RBFOX1: variants seen among roughly 807,000 people sequenced by gnomAD.
RBFOX1 encodes RNA binding protein fox-1 homolog 1.
A neutral mutation model predicts 57.7 loss-of-function variants in RBFOX1; 8 were observed. The ratio of observed to expected loss-of-function variants is 0.14; its 90% CI spans 0.08 to 0.25. The LOEUF (loss-of-function observed/expected upper bound fraction) is 0.25, where lower values mean the gene tolerates loss of function less well. RBFOX1 is among the 10% of genes least tolerant of loss of function. The probability of loss-of-function intolerance (pLI) is 1.00; values close to 1 mark genes in which losing one functional copy is unlikely to be tolerated. For synonymous variants in RBFOX1, 326 were observed against 222.4 expected, an observed-to-expected ratio of 1.47 and a Z score of -4.15; for missense variants, 611 against 548.5, an observed-to-expected ratio of 1.11 and a Z score of -1.14.
At chr16:5,583,683 G>A (rs148014645) in intron 2 of RBFOX1, among the ~76,000 whole-genome samples, 1 of 152,288 alleles carries the variant, frequency 6.6e-6, no homozygotes, top group Admixed American at 6.5e-5. Context: ...GTAAAGTGGG[G>A]TCGATAAGAG....
intron 1 of RBFOX1, among the ~76,000 whole-genome samples, chr16:6,163,494 A>G (rs1396657788): frequency 1.3e-5 from 2 of 152,222 alleles, no homozygotes; most frequent in Non-Finnish European, 2.9e-5. Flanking sequence ...TTGACAAATC[A>G]GATAAATCAT....
Position 6,019,993 on chromosome 16 carries a change from G to A in RBFOX1, c.-127+1G>A, listed in dbSNP as rs2152347409. ...CAGCCGGGCTCGCCGGGAGTTCTAG[G>A]TAAGTCCAGGCGGAGTCATTGCCTC... On this transcript the variant is annotated splice_donor_variant, in intron 1 of 15. Coordinates refer to ENST00000550418, the MANE Select transcript of RBFOX1 (RefSeq NM_018723.4). LOFTEE classifies it low-confidence loss of function (5UTR_SPLICE). This position sits in a 1 kb window ranked among gnomAD's most constrained non-coding sequence, Gnocchi z 4.2. The A allele has an allele frequency of 1.3e-6, 2 of 1,525,436 alleles. No homozygotes were observed. The highest frequency in any genetic ancestry group is 2.5e-5 in the East Asian group (1 of 40,526). 94.5% of individuals were successfully genotyped at this position (1,525,436 alleles called of 1,614,324 possible). A position where few individuals can be genotyped will look rare whatever the true frequency, so the allele number is the denominator to read the frequency against.
intron 14 of RBFOX1, among the ~76,000 whole-genome samples, chr16:7,681,385 G>A (rs1041104426): frequency 1.3e-5 from 2 of 152,110 alleles, no homozygotes; most frequent in African/African-American, 2.4e-5. Context: ...ATGCACAAAA[G>A]ATTGTACAAG....
chr16:7,673,765 C>G (rs2072371217), intron 13 of RBFOX1, among the ~76,000 whole-genome samples: 1 of 152,128 alleles, frequency 6.6e-6, no homozygotes, highest in Non-Finnish European at 1.5e-5. Flanking sequence ...TGCTGCCCAT[C>G]CTGTGAAGAA....
chr16:6,259,638 G>C (rs200792892), intron 1 of RBFOX1, among the ~76,000 whole-genome samples: 2 of 152,032 alleles, frequency 1.3e-5, no homozygotes, highest in African/African-American at 4.8e-5. Context: ...AAATATCTGC[G>C]ATCATGTACG....
chr16:5,731,136 A>G (rs1350598784), intron 3 of RBFOX1, among the ~76,000 whole-genome samples: 2 of 152,138 alleles, frequency 1.3e-5, no homozygotes, highest in African/African-American at 2.4e-5. Context: ...CATCAACAGC[A>G]CCACCACCAT....
intron 2 of RBFOX1, among the ~76,000 whole-genome samples, chr16:6,365,671 T>A (rs1319020096): frequency 1.3e-5 from 2 of 152,164 alleles, no homozygotes; most frequent in African/African-American, 4.8e-5. Flanking sequence ...TGAAGCAATG[T>A]GGTATAGTGG....
chr16:7,332,493 G>C (rs1876085253), intron 4 of RBFOX1, among the ~76,000 whole-genome samples: 1 of 152,054 alleles, frequency 6.6e-6, no homozygotes, highest in Admixed American at 6.5e-5. Flanking sequence ...ACATTAACCT[G>C]CTGGATTTGA....
At chr16:7,174,812 T>G (rs553386839) in intron 4 of RBFOX1, among the ~76,000 whole-genome samples, 56 of 152,134 alleles carry the variant, frequency 3.7e-4, no homozygotes, top group African/African-American at 1.3e-3. Context: ...AAACAAACCA[T>G]TAAAGTATTT....
chr16:6,110,861 C>CA (rs781312846), intron 1 of RBFOX1, among the ~76,000 whole-genome samples: 63 of 152,298 alleles, frequency 4.1e-4, no homozygotes, highest in Non-Finnish European at 3.5e-4. Flanking sequence ...CTCCAGTGCA[C>CA]AGCACCAGCC....
chr16:6,023,199 G>A (rs2095118548), intron 1 of RBFOX1, among the ~76,000 whole-genome samples: 1 of 151,928 alleles, frequency 6.6e-6, no homozygotes, highest in Non-Finnish European at 1.5e-5. Context: ...TGAAACATGG[G>A]TCTGAGCGGG....
At chr16:7,692,392 A>G (rs1043152169) in intron 14 of RBFOX1, among the ~76,000 whole-genome samples, 1 of 152,142 alleles carries the variant, frequency 6.6e-6, no homozygotes, top group Non-Finnish European at 1.5e-5. Context: ...GAAATGCTCC[A>G]TCACTAGATA....
chr16:7,387,405 A>G (rs531147378), intron 4 of RBFOX1, among the ~76,000 whole-genome samples: 1 of 152,344 alleles, frequency 6.6e-6, no homozygotes, highest in South Asian at 2.1e-4. Context: ...TGAGGCCGTC[A>G]GTCACTGGAT....
Position 6,013,226 on chromosome 16 carries a change from G to C in RBFOX1, c.351+145891G>C, listed in dbSNP as rs150474832. Among the ~76,000 whole-genome samples, 240 of 152,290 alleles carry C rather than the reference G, an allele frequency of 1.6e-3. 1 individual carries two copies. The highest frequency in any genetic ancestry group is 2.8e-3 in the Non-Finnish European group (192 of 68,028). ...TGTTATTTCTAAAAGATGAATGATAGTATGTTTCATAAAGTTATACTAAAT... is the reference window on the plus strand; with the variant it reads ...TGTTATTTCTAAAAGATGAATGATACTATGTTTCATAAAGTTATACTAAAT... On this transcript the variant is annotated intron_variant, in intron 4 of 19. Coordinates refer to the RBFOX1 transcript ENST00000641259.
intron 1 of RBFOX1, among the ~76,000 whole-genome samples, chr16:6,256,830 G>A (rs1465562476): frequency 6.6e-6 from 1 of 152,100 alleles, no homozygotes; most frequent in African/African-American, 2.4e-5. Context: ...CTCTCATTTA[G>A]GAAGATACTG....
chr16:7,143,283 G>A (rs544518806), intron 4 of RBFOX1, among the ~76,000 whole-genome samples: 11 of 152,096 alleles, frequency 7.2e-5, no homozygotes, highest in South Asian at 6.2e-4. Flanking sequence ...ATGACAATGC[G>A]TCCAACTGTT....
At chr16:6,476,632 G>A (rs80307915) in intron 2 of RBFOX1, among the ~76,000 whole-genome samples, 6 of 152,116 alleles carry the variant, frequency 3.9e-5, no homozygotes, top group African/African-American at 7.2e-5. Flanking sequence ...GTCTTGCCTC[G>A]GTGTTGATGG....
At chr16:6,210,345 C>CAAAAAAAAAA (rs770814967) in intron 1 of RBFOX1, among the ~76,000 whole-genome samples, 1 of 26,018 alleles carries the variant, frequency 3.8e-5, no homozygotes, top group African/African-American at 1.8e-4. Flanking sequence ...AACAAAAAAA[C>CAAAAAAAAAA]AAAAAAAAAA....
intron 2 of RBFOX1, among the ~76,000 whole-genome samples, chr16:5,468,374 C>G (rs2069020209): frequency 6.6e-6 from 1 of 152,178 alleles, no homozygotes; most frequent in Non-Finnish European, 1.5e-5. Context: ...CAGCCCCTGA[C>G]AGACACCAGT....
Sources: allele counts gnomAD v4.1 joint callset (sites outside exome capture counted in the v4.1 genomes callset), GRCh38; gene constraint gnomAD v4.1.1; non-coding constraint Gnocchi (gnomAD v3.1); transcripts MANE v1.5; gene names NCBI Gene and HGNC (gene_info 2026-07-23, HGNC 2026-07-21).